ERI1: variants seen among roughly 807,000 people sequenced by gnomAD.
The protein encoded by ERI1 is exoribonuclease 1.
ERI1 carries 39 observed loss-of-function variants against 39.7 expected under a neutral mutation model. The observed-to-expected ratio is 0.98, with a 90% CI of 0.76 to 1.28. The LOEUF (loss-of-function observed/expected upper bound fraction) is 1.28. Ranked by LOEUF, ERI1 falls within the 50% of genes most tolerant of loss-of-function variation. The pLI is 0.00. For synonymous variants in ERI1, 204 were observed against 149.6 expected (o/e 1.36, Z -2.65); for missense variants, 581 against 416.9 (o/e 1.39, Z -3.43).
intron 3 of ERI1, among the ~76,000 whole-genome samples, chr8:9,043,062 C>G (rs10503395): frequency 9.2e-5 from 14 of 152,090 alleles, no homozygotes; most frequent in African/African-American, 2.9e-4. Context: ...TCTACTCTTA[C>G]GTCTAAGGGC....
At chr8:9,006,806 G>A (rs1450622802) in intron 1 of ERI1, among the ~76,000 whole-genome samples, 3 of 152,072 alleles carry the variant, frequency 2.0e-5, no homozygotes, top group African/African-American at 4.8e-5. Context: ...GAGTACTCTG[G>A]CACCTTACCT....
rs995886619 is a variant in ERI1 at position 9,031,619 on chromosome 8, C to T, written c.*1585C>T. On this transcript the variant is annotated 3_prime_UTR_variant, in exon 7 of 7. Transcript: ENST00000250263. ...CTGCAATTGGAAAATCTGATGATGACGAGGAAATATTACGTTTCCAGTTTT... is the reference window on the plus strand; with the variant it reads ...CTGCAATTGGAAAATCTGATGATGATGAGGAAATATTACGTTTCCAGTTTT... The T allele has an allele frequency of 6.6e-6, 1 of 152,128 alleles. No individual in the cohort carries two copies. The highest frequency in any genetic ancestry group is 2.4e-5 in the African/African-American group (1 of 41,430). The allele number at this position is 152,128 out of a possible 1,614,324, so 9.4% of individuals were successfully genotyped here. A position where few individuals can be genotyped will look rare whatever the true frequency, so the allele number is the denominator to read the frequency against.
chr8:9,011,210 G>C (rs1361544340), intron 2 of ERI1, among the ~76,000 whole-genome samples: 4 of 152,036 alleles, frequency 2.6e-5, no homozygotes, highest in Admixed American at 6.6e-5. Flanking sequence ...TGTTATCTTA[G>C]TATATAAGGC....
intron 3 of ERI1, among the ~76,000 whole-genome samples, chr8:9,072,098 C>T (rs189358459): frequency 6.6e-6 from 1 of 152,192 alleles, no homozygotes; most frequent in East Asian, 1.9e-4. Flanking sequence ...GACAGAGAGG[C>T]AGAATTCTCC....
downstream of ERI1, among the ~76,000 whole-genome samples, chr8:9,036,798 G>C (rs868534562): frequency 6.6e-6 from 1 of 152,044 alleles, no homozygotes; most frequent in Non-Finnish European, 1.5e-5. Context: ...ATTGATGGAG[G>C]GCAGCGATTG....
At chr8:9,054,489 A>T (rs1481948859) in intron 3 of ERI1, among the ~76,000 whole-genome samples, 1 of 152,228 alleles carries the variant, frequency 6.6e-6, no homozygotes, top group Non-Finnish European at 1.5e-5. Flanking sequence ...CACCCCTACA[A>T]CAAAAGACAG....
At position 9,014,152 on chromosome 8, in the gene ERI1, A is replaced by G. The variant is rs571111657; in HGVS notation, c.499-2170A>G. On this transcript the variant is annotated intron_variant, in intron 3 of 6. Transcript: ENST00000250263. ...TCCTCTGATTGTTTCCTGTCTTACT[A>G]CTCTTTTCCTTAACTCATTCCACTC... Among the ~76,000 whole-genome samples the G allele has an allele frequency of 3.9e-4, 59 of 151,662 alleles. 1 individual carries two copies. The highest frequency in any genetic ancestry group is 6.8e-3 in the Middle Eastern group (2 of 294).
intron 3 of ERI1, among the ~76,000 whole-genome samples, chr8:9,085,266 TGACATG>T (rs1799489370): frequency 6.6e-6 from 1 of 152,216 alleles, no homozygotes; most frequent in African/African-American, 2.4e-5. Context: ...TGGAGTGCAA[TGACATG>T]GTCTCGACTT....
In ERI1 at chr8:9,030,056, A is replaced by C; in HGVS notation, c.*22A>C. On this transcript the variant is annotated 3_prime_UTR_variant, in exon 7 of 7. Transcript: ENST00000250263. ...GTAACAACAGTTTTGTGTGTGGATC[A>C]TTCCAATTGAAGTTGCTATGAAGAG... is the stretch of plus-strand genomic sequence containing the variant. 1 of 1,608,624 alleles carries C rather than the reference A, an allele frequency of 6.2e-7. No individual in the cohort carries two copies. Among genetic ancestry groups the C allele is most frequent in the Non-Finnish European group, 8.5e-7 (1 of 1,175,520 alleles).
chr8:9,005,501 A>G lies in ERI1; in HGVS notation c.108+2330A>G, dbSNP rs973188794. Among the ~76,000 whole-genome samples the G allele has an allele frequency of 2.0e-5, 3 of 151,316 alleles. No individual in the cohort carries two copies. In the East Asian group the frequency reaches 5.8e-4, roughly 29 times the overall value. ...TTGTAACTCATCTTTAAGTTCAACA[A>G]CAGTTTTTTTATGTTTTTTTTTTTT... On this transcript the variant is annotated intron_variant, in intron 1 of 6. Transcript: ENST00000250263.
chr8:9,088,333 A>G (rs1050959315), intron 3 of ERI1: 1 of 152,138 alleles, frequency 6.6e-6, no homozygotes. Flanking sequence ...CACTGACTCA[A>G]TTTCCCACTT....
chr8:9,068,244 G>C (rs758421499), intron 3 of ERI1, among the ~76,000 whole-genome samples: 4 of 152,086 alleles, frequency 2.6e-5, no homozygotes, highest in African/African-American at 4.8e-5. Context: ...TGGAAATCTC[G>C]CCCAACACCT....
At chr8:9,064,917 G>A (rs1798827177) in intron 3 of ERI1, among the ~76,000 whole-genome samples, 1 of 152,174 alleles carries the variant, frequency 6.6e-6, no homozygotes, top group Admixed American at 6.5e-5. Flanking sequence ...ACAGGGGTGG[G>A]GCTGTTTTAT....
chr8:9,024,579 C>G (rs1818276740), intron 6 of ERI1, among the ~76,000 whole-genome samples: 1 of 151,970 alleles, frequency 6.6e-6, no homozygotes, highest in African/African-American at 2.4e-5. Context: ...TCCCACCATG[C>G]CTGGACTAAT....
At chr8:9,007,796 C>A (rs1359764902) in intron 1 of ERI1, among the ~76,000 whole-genome samples, 174 bp from the exon 2 acceptor site, 2 of 152,166 alleles carry the variant, frequency 1.3e-5, no homozygotes, top group Non-Finnish European at 2.9e-5. Flanking sequence ...ATTGGAGACG[C>A]ATCTTCCTTC....
At chr8:9,029,741 A>G (rs201373365) in intron 6 of ERI1, 51 bp from the exon 7 acceptor site, 104 of 1,600,286 alleles carry the variant, frequency 6.5e-5, no homozygotes, top group Non-Finnish European at 8.7e-5. Context: ...TGTGGCTTAT[A>G]TTACAGTTTA....
intron 3 of ERI1, among the ~76,000 whole-genome samples, chr8:9,042,676 T>G (rs548216672): frequency 6.6e-6 from 1 of 152,192 alleles, no homozygotes; most frequent in Non-Finnish European, 1.5e-5. Flanking sequence ...GGAAGTGTTA[T>G]GCTTTGAGGA....
chr8:9,076,530 C>T (rs183552283), intron 3 of ERI1, among the ~76,000 whole-genome samples: 4 of 152,290 alleles, frequency 2.6e-5, no homozygotes, highest in African/African-American at 7.2e-5. Flanking sequence ...CAAGTACTCC[C>T]AATAAAGTTA....
chr8:9,003,039 A>G lies in ERI1; in HGVS notation c.-25A>G, dbSNP rs1250006583. 3.3e-5 allele frequency: 41 copies of G among 1,232,466 alleles called. No homozygotes were observed. The highest frequency in any genetic ancestry group is 6.3e-5 in the East Asian group (2 of 31,634). The allele number at this position is 1,232,466 out of a possible 1,614,324, so 76.3% of individuals were successfully genotyped here. On this transcript the variant is annotated 5_prime_UTR_variant, in exon 1 of 7. Transcript: ENST00000250263. ...AGTTAGCAAGTGTCCGGCTCCAGCA[A>G]CTCTCCTCTGGCGTGACAGCCGGCA... is the stretch of plus-strand genomic sequence containing the variant.
Sources: allele counts gnomAD v4.1 joint callset (sites outside exome capture counted in the v4.1 genomes callset), GRCh38; gene constraint gnomAD v4.1.1; transcripts MANE v1.5; gene names NCBI Gene and HGNC (gene_info 2026-07-23, HGNC 2026-07-21).